Variants in SNAP47 observed in about 807,000 individuals in gnomAD.
SNAP47 encodes the protein synaptosomal-associated protein 47.
In SNAP47, 20 loss-of-function variants were observed where a neutral mutation model predicts 31.4. The observed-to-expected ratio is 0.64, with a 90% CI of 0.45 to 0.93. The LOEUF (loss-of-function observed/expected upper bound fraction) is 0.93. Ranked by LOEUF, SNAP47 falls within the 40% of genes least tolerant of loss-of-function variation. SNAP47 has a pLI of 0.00. For synonymous variants in SNAP47, 194 were observed against 213.4 expected (o/e 0.91, Z 0.79); for missense variants, 492 against 528.5 (o/e 0.93, Z 0.68).
chr1:227,759,538 C>A, intron 3 of SNAP47, 53 bp downstream of exon 3: 2 of 1,580,304 alleles, frequency 1.3e-6, no homozygotes, highest in Non-Finnish European at 1.7e-6. Context: ...AAATTACAGG[C>A]AGACTCAGCA....
Position 227,759,067 on chromosome 1 carries a change from A to G in SNAP47, c.570A>G (p.Thr190=). 1.2e-6 allele frequency: 2 copies of G among 1,614,068 alleles called. No homozygotes were observed. Among genetic ancestry groups the G allele is most frequent in the Non-Finnish European group, 1.7e-6 (2 of 1,180,012 alleles). ...AGCTTTGGAAGACACCACCGGAAAC[A>G]AAGCCCAGGGAAGATGTCTCCATGA... The part of the protein sequence containing the change: ...SSKLWKTPPE[T]KPREDVSMTS... The change falls in exon 3 of 5, where the codon ACA becomes ACG. Residue 190 remains threonine (T), a synonymous_variant. Coordinates refer to ENST00000617596, the MANE Select transcript of SNAP47 (RefSeq NM_053052.4).
chr1:227,750,059 A>G (rs1360560813), intron 2 of SNAP47, among the ~76,000 whole-genome samples: 2 of 152,232 alleles, frequency 1.3e-5, no homozygotes, highest in African/African-American at 4.8e-5. Context: ...AGCTGGGGTC[A>G]TATTGGTGCA....
rs115213187 is a variant in SNAP47, at chr1:227,762,726, G to T, written c.988+3241G>T. Among the ~76,000 whole-genome samples the T allele has an allele frequency of 8.7e-4, 133 of 152,288 alleles. No homozygotes were observed. Among genetic ancestry groups the T allele is most frequent in the Admixed American group, 2.5e-3 (39 of 15,300 alleles). ...ACGTTTTATTTTATTCTAGACACTC[G>T]TCCTTGCGTTGAGGAGCACCCAGGA... On this transcript the variant is annotated intron_variant, in intron 3 of 4. Transcript: ENST00000617596. This position sits in a 1 kb window ranked among gnomAD's most constrained non-coding sequence, Gnocchi z 4.2.
chr1:227,733,780 T>G, upstream of SNAP47: 1 of 1,585,514 alleles, frequency 6.3e-7, no homozygotes, highest in African/African-American at 1.3e-5. Flanking sequence ...GGGTGGCCCC[T>G]TGGTCTCAAG....
intron 4 of SNAP47, chr1:227,775,643 C>A: frequency 1.3e-6 from 1 of 763,586 alleles, no homozygotes; most frequent in African/African-American, 1.8e-5. Flanking sequence ...CTCAGCCTTG[C>A]CCTAATGGTG....
chr1:227,778,284 C>T (rs1664273490), intron 4 of SNAP47, among the ~76,000 whole-genome samples: 1 of 152,244 alleles, frequency 6.6e-6, no homozygotes, highest in African/African-American at 2.4e-5. Context: ...GATAGCACTG[C>T]ACGCCATGGT....
chr1:227,762,009 C>G lies in SNAP47; in HGVS notation c.988+2524C>G, dbSNP rs1663094601. On this transcript the variant is annotated intron_variant, in intron 3 of 4. Coordinates refer to ENST00000617596, the MANE Select transcript of SNAP47 (RefSeq NM_053052.4). This position sits in a 1 kb window ranked among gnomAD's most constrained non-coding sequence, Gnocchi z 4.2. ...ACCCTCCCTGCTCGGCTAGGAGGGC[C>G]CCCTTAGTTCAGGTCACCTGAGTGT... is the stretch of plus-strand genomic sequence containing the variant. 6.6e-6 allele frequency among the ~76,000 whole-genome samples: 1 copy of G among 152,142 alleles called. No homozygotes were observed. The highest frequency in any genetic ancestry group is 1.5e-5 in the Non-Finnish European group (1 of 68,018).
At chr1:227,731,323 A>C (rs1451711342), upstream of SNAP47, 1 of 152,346 alleles carries the variant, frequency 6.6e-6, no homozygotes, top group East Asian at 1.9e-4. Flanking sequence ...CTTCCATCCT[A>C]GACAAGTGCC....
intron 1 of SNAP47, among the ~76,000 whole-genome samples, chr1:227,737,172 T>C (rs1237975868): frequency 6.6e-6 from 1 of 152,178 alleles, no homozygotes; most frequent in Non-Finnish European, 1.5e-5. Context: ...TATGTCTTGG[T>C]GTGCTGGAGA....
At chr1:227,746,918 C>G (rs1173405296) in intron 1 of SNAP47, 1 of 152,220 alleles carries the variant, frequency 6.6e-6, no homozygotes, top group Non-Finnish European at 1.5e-5. Flanking sequence ...TTTTCTTAAC[C>G]TTACATTATC....
chr1:227,729,000 T>C (rs1371708792), intron 1 of SNAP47, among the ~76,000 whole-genome samples: 1 of 151,880 alleles, frequency 6.6e-6, no homozygotes, highest in Non-Finnish European at 1.5e-5. Context: ...GCTCTCTAGG[T>C]GGGGCGAGGG....
At chr1:227,753,878 T>G (rs910013525) in intron 2 of SNAP47, among the ~76,000 whole-genome samples, 1 of 151,388 alleles carries the variant, frequency 6.6e-6, no homozygotes, top group African/African-American at 2.4e-5. Flanking sequence ...CATCTAGGGG[T>G]GGATGTTTAC....
At chr1:227,737,078 G>A (rs1192683963) in intron 1 of SNAP47, among the ~76,000 whole-genome samples, 1 of 152,248 alleles carries the variant, frequency 6.6e-6, no homozygotes, top group African/African-American at 2.4e-5. Context: ...GGGAAAACCT[G>A]TGGTTGGGGC....
chr1:227,772,286 C>G (rs1379345712), intron 4 of SNAP47, among the ~76,000 whole-genome samples: 1 of 152,106 alleles, frequency 6.6e-6, no homozygotes, highest in Non-Finnish European at 1.5e-5. Context: ...AAATTCACCA[C>G]CATCATCCTG....
chr1:227,764,840 G>A (rs1663288393), intron 3 of SNAP47, among the ~76,000 whole-genome samples: 1 of 152,056 alleles, frequency 6.6e-6, no homozygotes, highest in Non-Finnish European at 1.5e-5. Context: ...GGAGGCGGAG[G>A]TTGTGGTGAG....
intron 4 of SNAP47, among the ~76,000 whole-genome samples, chr1:227,771,654 G>A (rs185822593): frequency 0.014 from 792 of 55,508 alleles, 12 homozygotes; most frequent in African/African-American, 0.052. Flanking sequence ...TGTGCACCCC[G>A]CCCACCCCCA....
intron 4 of SNAP47, chr1:227,768,301 G>A: frequency 4.1e-6 from 4 of 985,434 alleles, no homozygotes; most frequent in Non-Finnish European, 4.8e-6. Context: ...GTGCACTTTG[G>A]ATCTTGCAGT....
At chr1:227,775,524 G>A (rs546070025) in intron 4 of SNAP47, among the ~76,000 whole-genome samples, 3 of 152,348 alleles carry the variant, frequency 2.0e-5, no homozygotes, top group South Asian at 4.1e-4. Flanking sequence ...AAGAGCCGAT[G>A]TCCCGCAGAG....
intron 2 of SNAP47, among the ~76,000 whole-genome samples, chr1:227,756,695 G>A (rs1468156384): frequency 1.3e-5 from 2 of 151,140 alleles, no homozygotes; most frequent in East Asian, 1.9e-4. Context: ...TCCCAATCAT[G>A]TGGAGAGGCT....
Sources: gnomAD v4.1 joint callset for allele counts (sites outside exome capture counted in the v4.1 genomes callset) on GRCh38, gnomAD v4.1.1 for gene constraint, Gnocchi (gnomAD v3.1) non-coding constraint, MANE v1.5 for transcripts, NCBI Gene and HGNC (gene_info 2026-07-23, HGNC 2026-07-21) for gene names.